The following PTPRT variants were observed in gnomAD, a reference collection of about 807,000 sequenced individuals.
PTPRT encodes protein tyrosine phosphatase receptor type T, also known as receptor-type tyrosine-protein phosphatase T.
In PTPRT, 56 loss-of-function variants were observed where a neutral mutation model predicts 176.8. The observed-to-expected ratio is 0.32, with a 90% CI of 0.26 to 0.40. The LOEUF is 0.40. Ranked by LOEUF, PTPRT falls within the 10% of genes least tolerant of loss-of-function variation. The pLI, the probability that PTPRT is intolerant of heterozygous loss-of-function variation, is 1.00. For missense variants in PTPRT, 1,540 were observed against 1,908.2 expected (o/e 0.81, Z 3.60); for synonymous variants, 783 against 739.0 (o/e 1.06, Z -0.96).
intron 1 of PTPRT, among the ~76,000 whole-genome samples, chr20:43,165,314 A>G (rs749138035): frequency 2.6e-5 from 4 of 151,896 alleles, no homozygotes; most frequent in African/African-American, 4.8e-5. Context: ...GCCTGCCACA[A>G]TCATGTCTGG....
chr20:42,068,712 T>C (rs774347810), downstream of PTPRT, among the ~76,000 whole-genome samples: 2 of 152,254 alleles, frequency 1.3e-5, no homozygotes, highest in Non-Finnish European at 2.9e-5. Context: ...TTTCAGCTTC[T>C]TGTGTCTTGT....
chr20:42,169,892 C>A lies in PTPRT; in HGVS notation c.2492-8350G>T, dbSNP rs543150820. On this transcript the variant is annotated intron_variant, in intron 16 of 30. Coordinates refer to ENST00000373187, the MANE Select transcript of PTPRT (RefSeq NM_007050.6). ...TGGTGGGGGCGGGGGCAGGGAATGA[C>A]CCTACTCCCAAAACAAGGGACAAAT... is the stretch of plus-strand genomic sequence containing the variant. 1.7e-4 allele frequency among the ~76,000 whole-genome samples: 26 copies of A among 152,092 alleles called. 1 individual carries two copies. Among genetic ancestry groups the A allele is most frequent in the African/African-American group, 6.3e-4 (26 of 41,512 alleles).
the PTPRT span, among the ~76,000 whole-genome samples, chr20:42,061,741 A>T: frequency 6.6e-6 from 1 of 152,172 alleles, no homozygotes; most frequent in Non-Finnish European, 1.5e-5. Flanking sequence ...TCCTTGGATG[A>T]ACCTTCTAGT....
chr20:43,010,755 C>G (rs976349416), intron 1 of PTPRT, among the ~76,000 whole-genome samples: 2 of 151,940 alleles, frequency 1.3e-5, no homozygotes, highest in African/African-American at 2.4e-5. Flanking sequence ...ATAAAAGGCA[C>G]CCTTCAAGAT....
intron 7 of PTPRT, among the ~76,000 whole-genome samples, chr20:42,510,456 T>A (rs1476163117): frequency 6.6e-6 from 1 of 152,056 alleles, no homozygotes; most frequent in African/African-American, 2.4e-5. Flanking sequence ...AACGTGTGTG[T>A]TTTTTAAAAA....
chr20:42,658,764 CA>C (rs2145993239), intron 7 of PTPRT, among the ~76,000 whole-genome samples: 1 of 152,270 alleles, frequency 6.6e-6, no homozygotes, highest in South Asian at 2.1e-4. Flanking sequence ...CATTAGTATT[CA>C]GGATCCATAA....
At chr20:42,851,785 T>C (rs775030880) in intron 2 of PTPRT, among the ~76,000 whole-genome samples, 8 of 152,336 alleles carry the variant, frequency 5.3e-5, no homozygotes, top group Middle Eastern at 3.4e-3. Context: ...TATGTTTCAA[T>C]ACATTTAATT....
rs557665974 is a variant in PTPRT, at chr20:43,060,372, G to A, written c.88+129274C>T. ...TCCTCACATGGTGTGAGGGACAAGG[G>A]GGCTTTCTGAAGTCCCTTTTATAAG... On this transcript the variant is annotated intron_variant, in intron 1 of 30. Coordinates refer to ENST00000373187, the MANE Select transcript of PTPRT (RefSeq NM_007050.6). Among the ~76,000 whole-genome samples the A allele has an allele frequency of 1.7e-3, 260 of 152,202 alleles. 2 individuals carry two copies. Among genetic ancestry groups the A allele is most frequent in the South Asian group, 7.9e-3 (38 of 4,808 alleles).
At chr20:43,138,533 C>A (rs1291658665) in intron 1 of PTPRT, among the ~76,000 whole-genome samples, 1 of 152,212 alleles carries the variant, frequency 6.6e-6, no homozygotes. Flanking sequence ...AAACAAAATA[C>A]CCGAGGACCT....
the PTPRT span, among the ~76,000 whole-genome samples, chr20:42,053,756 A>C: frequency 6.6e-6 from 1 of 152,154 alleles, no homozygotes; most frequent in Non-Finnish European, 1.5e-5. Context: ...TTATTCATTC[A>C]CTTAATTTTT....
chr20:42,520,177 CT>C (rs1180414924), intron 7 of PTPRT, among the ~76,000 whole-genome samples: 1 of 151,980 alleles, frequency 6.6e-6, no homozygotes, highest in Non-Finnish European at 1.5e-5. Context: ...GGCGATGTGT[CT>C]CTTAAGGAAC....
At chr20:42,970,413 C>T (rs1347720612) in intron 1 of PTPRT, among the ~76,000 whole-genome samples, 4 of 152,120 alleles carry the variant, frequency 2.6e-5, no homozygotes, top group African/African-American at 7.2e-5. Flanking sequence ...ATCAAATTAT[C>T]ACATTTTCTC....
At chr20:42,726,057 TTTATTA>T (rs59329244) in intron 6 of PTPRT, among the ~76,000 whole-genome samples, 1,793 of 142,270 alleles carry the variant, frequency 0.013, 30 homozygotes, top group African/African-American at 0.035. Context: ...TGTGGGCATC[TTTATTA>T]TTATTATTAT....
Position 42,612,463 on chromosome 20 carries a change from G to A in PTPRT, c.1153+65403C>T, listed in dbSNP as rs190407262. 1.6e-3 allele frequency among the ~76,000 whole-genome samples: 242 copies of A among 152,212 alleles called. 3 individuals are homozygous for A. Among genetic ancestry groups the A allele is most frequent in the Admixed American group, 0.013 (205 of 15,286 alleles). ...CTGAGACTCCCCTGTTACATTACAC[G>A]TCATCACTCTTTGCATTTAAGCCCA... On this transcript the variant is annotated intron_variant, in intron 7 of 30. Coordinates refer to ENST00000373187, the MANE Select transcript of PTPRT (RefSeq NM_007050.6).
chr20:43,119,168 A>T (rs1409376511), intron 1 of PTPRT, among the ~76,000 whole-genome samples: 1 of 152,268 alleles, frequency 6.6e-6, no homozygotes, highest in Non-Finnish European at 1.5e-5. Flanking sequence ...AGAAAACAAC[A>T]CAGTGGCAAA....
intron 7 of PTPRT, among the ~76,000 whole-genome samples, chr20:42,663,343 T>C (rs561884022): frequency 6.6e-6 from 1 of 152,252 alleles, no homozygotes; most frequent in East Asian, 1.9e-4. Flanking sequence ...AAAGGACTTT[T>C]AAAGTCTGAG....
intron 1 of PTPRT, among the ~76,000 whole-genome samples, chr20:43,037,155 C>T (rs761616747): frequency 6.6e-6 from 1 of 152,146 alleles, no homozygotes; most frequent in Non-Finnish European, 1.5e-5. Flanking sequence ...ATGAATTAAG[C>T]AAAATCTTTG....
At chr20:42,246,603 C>T (rs944148616) in intron 14 of PTPRT, among the ~76,000 whole-genome samples, 2 of 152,096 alleles carry the variant, frequency 1.3e-5, no homozygotes, top group African/African-American at 4.8e-5. Context: ...CCTTTTCCTC[C>T]CTCCCAAAAA....
intron 5 of PTPRT, among the ~76,000 whole-genome samples, chr20:42,759,127 G>T (rs750208851): frequency 6.6e-6 from 1 of 152,198 alleles, no homozygotes; most frequent in Admixed American, 6.5e-5. Context: ...ATCAAAAGGA[G>T]CCCATCTTCC....
Sources: allele counts gnomAD v4.1 joint callset (sites outside exome capture counted in the v4.1 genomes callset), GRCh38; gene constraint gnomAD v4.1.1; transcripts MANE v1.5; gene names NCBI Gene and HGNC (gene_info 2026-07-23, HGNC 2026-07-21).